PSG7: variants seen among roughly 807,000 people sequenced by gnomAD.
The protein encoded by PSG7 is pregnancy-specific beta-1-glycoprotein 7.
PSG7 carries 57 observed loss-of-function variants against 45.6 expected under a neutral mutation model. The ratio of observed to expected loss-of-function variants is 1.25; its 90% CI spans 1.01 to 1.56. The LOEUF (loss-of-function observed/expected upper bound fraction) is 1.56. PSG7 is among the 40% of genes most tolerant of loss of function. The pLI, the probability that PSG7 is intolerant of heterozygous loss-of-function variation, is 0.00. For missense variants in PSG7, 796 were observed against 508.4 expected, an observed-to-expected ratio of 1.57 and a Z score of -5.44; for synonymous variants, 298 against 194.4, an observed-to-expected ratio of 1.53 and a Z score of -4.43.
At chr19:42,926,071 A>C in intron 4 of PSG7, 44 bp from the exon 5 acceptor site, 2 of 1,601,126 alleles carry the variant, frequency 1.2e-6, no homozygotes, top group Non-Finnish European at 8.5e-7. Context: ...TATCCGAGGG[A>C]AGGGGATGCT....
chr19:42,929,297 G>C, intron 3 of PSG7, 145 bp downstream of exon 3: 1 of 1,550,546 alleles, frequency 6.4e-7, no homozygotes, highest in South Asian at 1.2e-5. Flanking sequence ...ACTCTGGTTT[G>C]CCTGGGGCAG....
At chr19:42,927,107 C>A (rs1009490313) in intron 3 of PSG7, 17 of 264,358 alleles carry the variant, frequency 6.4e-5, no homozygotes, top group South Asian at 3.7e-4. Context: ...CTTTGCCCCC[C>A]TAGATGTGAT....
intron 3 of PSG7, 196 bp downstream of exon 3, chr19:42,929,246 G>C (rs1295950450): frequency 1.5e-6 from 2 of 1,295,782 alleles, no homozygotes; most frequent in Admixed American, 4.9e-5. Flanking sequence ...CCCATGACAG[G>C]AGCAGCCTCT....
intron 2 of PSG7, among the ~76,000 whole-genome samples, chr19:42,932,149 G>A (rs4524047): frequency 0.92 from 138,707 of 150,884 alleles, 64,142 homozygotes; most frequent in East Asian, 1. Context: ...TCAGCCTCCC[G>A]AGTAGCTGGG....
At chr19:42,930,112 T>A (rs1012566228) in intron 2 of PSG7, among the ~76,000 whole-genome samples, 16 of 151,602 alleles carry the variant, frequency 1.1e-4, no homozygotes, top group Non-Finnish European at 1.6e-4. Flanking sequence ...TTGCCCCCTG[T>A]GGTATGTTTT....
At position 42,935,771 on chromosome 19, in the gene PSG7, T is replaced by C. The variant is rs577308395; in HGVS notation, c.65-2A>G. The C allele has an allele frequency of 6.2e-7, 1 of 1,607,442 alleles. No homozygotes were observed. The highest frequency in any genetic ancestry group is 8.5e-7 in the Non-Finnish European group (1 of 1,177,036). The stretch of plus-strand genomic sequence containing the variant: ...GGTTCCAGAAGTTTAAAAGTGATGC[T>C]AGGAGGTGGAGAGAGCATCAGTCAA... On this transcript the variant is annotated splice_acceptor_variant, in intron 1 of 5. Transcript: ENST00000406070. LOFTEE classifies it high-confidence loss of function.
intron 2 of PSG7, 142 bp from the exon 3 acceptor site, chr19:42,929,862 C>A: frequency 7.5e-7 from 1 of 1,331,054 alleles, no homozygotes; most frequent in South Asian, 1.5e-5. Flanking sequence ...TGTTACAAGA[C>A]AGATGCATGG....
rs549624374 is a variant in PSG7, at chr19:42,927,029, T to A, written c.710-313A>T. ...CCCAGTCCCTCACTAATGAGTTGAC[T>A]GGCTGGCTCACCCTGGGTTCATTAC... On this transcript the variant is annotated intron_variant, in intron 3 of 5. Transcript: ENST00000406070. 12 of 440,074 alleles carry A rather than the reference T, an allele frequency of 2.7e-5. 1 individual carries two copies. The South Asian group carries it at 4.8e-4, about 18-fold the overall frequency. 27.3% of individuals were successfully genotyped at this position (440,074 alleles called of 1,614,324 possible).
chr19:42,936,573 T>C (rs1172222095), intron 1 of PSG7: 1 of 169,334 alleles, frequency 5.9e-6, no homozygotes, highest in East Asian at 1.8e-4. Flanking sequence ...GACTTTCCTA[T>C]TTTGACCCCT....
At chr19:42,925,463 A>G (rs1214374694) in intron 5 of PSG7, 5 of 697,030 alleles carry the variant, frequency 7.2e-6, no homozygotes, top group East Asian at 3.4e-5. Context: ...CTAGAAAACT[A>G]TCCACATAAA....
intron 1 of PSG7, among the ~76,000 whole-genome samples, chr19:42,936,802 C>A (rs970119623): frequency 2.0e-5 from 3 of 151,434 alleles, no homozygotes; most frequent in African/African-American, 7.3e-5. Flanking sequence ...AGCACACCAC[C>A]ATACCTGGTT....
chr19:42,924,293 C>T lies in PSG7; in HGVS notation c.*515G>A, dbSNP rs1161684606. On this transcript the variant is annotated 3_prime_UTR_variant, in exon 6 of 6. Coordinates refer to ENST00000406070, the MANE Select transcript of PSG7 (RefSeq NM_002783.3). ...CTACTCTTTATAGAAACCATCTTCT[C>T]TGCAAACACACAGGCAATATCTCTG... 9.4e-6 allele frequency: 3 copies of T among 320,036 alleles called. No individual in the cohort carries two copies. Among genetic ancestry groups the T allele is most frequent in the Non-Finnish European group, 1.7e-5 (3 of 176,830 alleles). 19.8% of individuals were successfully genotyped at this position (320,036 alleles called of 1,614,324 possible). A position where few individuals can be genotyped will look rare whatever the true frequency, so the allele number is the denominator to read the frequency against.
At chr19:42,926,757 T>G in intron 3 of PSG7, 41 bp from the exon 4 acceptor site, 1 of 1,602,944 alleles carries the variant, frequency 6.2e-7, no homozygotes, top group East Asian at 2.2e-5. Context: ...GTGTGGCACC[T>G]TTGATTCCTC....
At chr19:42,928,314 G>A (rs1194419496) in intron 3 of PSG7, among the ~76,000 whole-genome samples, 1 of 151,482 alleles carries the variant, frequency 6.6e-6, no homozygotes, top group Non-Finnish European at 1.5e-5. Context: ...TTCTAATTCT[G>A]CAAAAAATGT....
Position 42,932,118 on chromosome 19 carries a change from G to A in PSG7, c.431-2398C>T, listed in dbSNP as rs183034177. Among the ~76,000 whole-genome samples, 989 of 151,294 alleles carry A rather than the reference G, an allele frequency of 6.5e-3. 64 individuals are homozygous for A. The East Asian group carries it at 0.11, about 17-fold the overall frequency. ...AGCTCACTGCAAGCTCCGCCTCCCG[G>A]TTTCACTCCATTCTCCTGCCTCAGC... On this transcript the variant is annotated intron_variant, in intron 2 of 5. Transcript: ENST00000406070.
chr19:42,927,016 C>A lies in PSG7; in HGVS notation c.710-300G>T, dbSNP rs1361810555. The A allele has an allele frequency of 4.2e-5, 20 of 478,016 alleles. 1 individual carries two copies. Among genetic ancestry groups the A allele is most frequent in the Non-Finnish European group, 6.8e-5 (19 of 279,446 alleles). 29.6% of individuals were successfully genotyped at this position (478,016 alleles called of 1,614,324 possible). A position where few individuals can be genotyped will look rare whatever the true frequency, so the allele number is the denominator to read the frequency against. Reference sequence around the variant, plus strand: ...GCCTGGTACCCCTCCCAGTCCCTCACTAATGAGTTGACTGGCTGGCTCACC... The same window carrying A: ...GCCTGGTACCCCTCCCAGTCCCTCAATAATGAGTTGACTGGCTGGCTCACC... On this transcript the variant is annotated intron_variant, in intron 3 of 5. Transcript: ENST00000406070.
At chr19:42,927,811 C>T (rs1238732793) in intron 3 of PSG7, among the ~76,000 whole-genome samples, 2 of 151,526 alleles carry the variant, frequency 1.3e-5, no homozygotes, top group Non-Finnish European at 2.9e-5. Context: ...TTCTTTTATG[C>T]AAGATGGGGA....
chr19:42,936,355 G>C lies in PSG7; in HGVS notation c.65-586C>G, dbSNP rs535990443. 3.8e-3 allele frequency: 610 copies of C among 158,884 alleles called. 14 individuals are homozygous for C. Among genetic ancestry groups the C allele is most frequent in the African/African-American group, 0.014 (576 of 41,416 alleles). 9.8% of individuals were successfully genotyped at this position (158,884 alleles called of 1,614,324 possible). A position where few individuals can be genotyped will look rare whatever the true frequency, so the allele number is the denominator to read the frequency against. ...CCTGTAGATGTGAGAGTTCTCAGGGGCCTCCATGCCCTGGGTGTTTTTTTT... is the reference window on the plus strand; with the variant it reads ...CCTGTAGATGTGAGAGTTCTCAGGGCCCTCCATGCCCTGGGTGTTTTTTTT... On this transcript the variant is annotated intron_variant, in intron 1 of 5. Transcript: ENST00000406070.
rs1973136458 is a variant in PSG7, at chr19:42,935,716, C to A, written c.118G>T (p.Ala40Ser). ...CCCTCGGAAACTTTTGGTGGCTGGG[C>A]TTCAATCGTGACTTGGGCTGTGGTG... ...PPTTAQVTIE[A>S]QPPKVSEGKD... The change falls in exon 2 of 6, where the codon GCC (alanine) becomes TCC (serine). Residue 40 changes from alanine to serine, a missense_variant. Physicochemically the swap from Ala to Ser is moderately conservative, Grantham distance 99. Transcript: ENST00000406070. The A allele has an allele frequency of 6.2e-7, 1 of 1,611,820 alleles. No homozygotes were observed. Among genetic ancestry groups the A allele is most frequent in the South Asian group, 1.1e-5 (1 of 90,768 alleles).
Sources: allele counts gnomAD v4.1 joint callset (sites outside exome capture counted in the v4.1 genomes callset), GRCh38; gene constraint gnomAD v4.1.1; transcripts MANE v1.5; gene names NCBI Gene and HGNC (gene_info 2026-07-23, HGNC 2026-07-21).